Variants in CYB5R4 observed in about 807,000 individuals in gnomAD.
CYB5R4 encodes the protein cytochrome b5 reductase 4.
A neutral mutation model predicts 70.2 loss-of-function variants in CYB5R4; 55 were observed. The ratio of observed to expected loss-of-function variants is 0.78; its 90% CI spans 0.63 to 0.98. CYB5R4 has a LOEUF of 0.98. Ranked by LOEUF, CYB5R4 falls within the 50% of genes least tolerant of loss-of-function variation. The pLI is 0.00. For missense variants in CYB5R4, 562 were observed against 612.6 expected, an observed-to-expected ratio of 0.92 and a Z score of 0.87; for synonymous variants, 197 against 199.5, an observed-to-expected ratio of 0.99 and a Z score of 0.11.
rs898960596 is a variant in CYB5R4, at chr6:83,955,415, T to C, written c.1464T>C (p.Val488=). 4 of 1,613,860 alleles carry C rather than the reference T, an allele frequency of 2.5e-6. No individual in the cohort carries two copies. In the African/African-American group the frequency reaches 4.0e-5, roughly 16 times the overall value. Residue 488 remains valine, a synonymous_variant, in exon 15 of 16, where the codon GTT becomes GTC. Coordinates refer to ENST00000369681, the MANE Select transcript of CYB5R4 (RefSeq NM_016230.4). ...AAAGAAATTTGGACAAATCCAAAGT[T>C]CTCGTCTGCATTTGTGGACCAGTGC... The part of the protein sequence containing the change: ...FLKRNLDKSK[V]LVCICGPVPF...
intron 1 of CYB5R4, 107 bp from the exon 2 acceptor site, chr6:83,864,068 A>G: frequency 9.4e-7 from 1 of 1,064,398 alleles, no homozygotes; most frequent in South Asian, 1.8e-5. Flanking sequence ...CAGCCTCTTA[A>G]AACTGTAAAA....
rs2099473277 is a variant in CYB5R4, at chr6:83,961,144, C to T, written c.*1266C>T. ...AATTACAGACGCCCAGCTTGTGAAG[C>T]TTCCTATGTGCAAATGGCTGGTTGA... On this transcript the variant is annotated 3_prime_UTR_variant, in exon 16 of 16. Transcript: ENST00000369681. The T allele has an allele frequency of 6.6e-6, 1 of 152,184 alleles. No individual in the cohort carries two copies. The highest frequency in any genetic ancestry group is 1.5e-5 in the Non-Finnish European group (1 of 68,036). 9.4% of individuals were successfully genotyped at this position (152,184 alleles called of 1,614,324 possible).
At chr6:83,931,776 A>G (rs2129141701) in intron 10 of CYB5R4, among the ~76,000 whole-genome samples, 1 of 147,680 alleles carries the variant, frequency 6.8e-6, no homozygotes, top group East Asian at 2.0e-4. Context: ...TCTGCTTTAT[A>G]CTTCTTTTTT....
At chr6:83,884,560 A>C (rs560497098) in intron 2 of CYB5R4, among the ~76,000 whole-genome samples, 1 of 152,252 alleles carries the variant, frequency 6.6e-6, no homozygotes, top group African/African-American at 2.4e-5. Flanking sequence ...TAAAATCCTT[A>C]ACTACAGTTG....
chr6:83,873,797 A>G (rs2099458044), intron 2 of CYB5R4, among the ~76,000 whole-genome samples: 1 of 152,108 alleles, frequency 6.6e-6, no homozygotes. Flanking sequence ...GTGTTAATCC[A>G]GTCTGTTAGG....
At chr6:83,909,380 C>T (rs534480165) in intron 4 of CYB5R4, among the ~76,000 whole-genome samples, 1 of 152,240 alleles carries the variant, frequency 6.6e-6, no homozygotes, top group Non-Finnish European at 1.5e-5. Flanking sequence ...ATAATATAGT[C>T]ACATGATTCA....
chr6:83,923,466 T>G (rs1222796560), intron 9 of CYB5R4, among the ~76,000 whole-genome samples: 1 of 152,172 alleles, frequency 6.6e-6, no homozygotes, highest in Admixed American at 6.5e-5. Context: ...TCTTTAAAAG[T>G]TAAATTGTTA....
chr6:83,914,036 C>A (rs2099465099), intron 4 of CYB5R4, among the ~76,000 whole-genome samples: 1 of 152,046 alleles, frequency 6.6e-6, no homozygotes, highest in Non-Finnish European at 1.5e-5. Context: ...GTGTGTGTTT[C>A]ATTTATGAAG....
intron 10 of CYB5R4, among the ~76,000 whole-genome samples, chr6:83,930,611 C>T (rs372993875): frequency 6.6e-6 from 1 of 152,114 alleles, no homozygotes; most frequent in East Asian, 1.9e-4. Flanking sequence ...GCAGTTACTT[C>T]CTCCACTGAA....
chr6:83,937,283 AT>A (rs1290949470), intron 12 of CYB5R4, among the ~76,000 whole-genome samples: 2 of 152,142 alleles, frequency 1.3e-5, no homozygotes, highest in African/African-American at 2.4e-5. Flanking sequence ...TCAAAAAAAA[AT>A]AATAAAAAAT....
intron 3 of CYB5R4, among the ~76,000 whole-genome samples, chr6:83,895,037 C>T (rs2099461645): frequency 6.6e-6 from 1 of 152,262 alleles, no homozygotes; most frequent in South Asian, 2.1e-4. Flanking sequence ...AATGTTCTTC[C>T]TGGGTTGGAG....
At chr6:83,860,797 C>G (rs1370125519) in intron 1 of CYB5R4, among the ~76,000 whole-genome samples, 1 of 152,202 alleles carries the variant, frequency 6.6e-6, no homozygotes, top group Non-Finnish European at 1.5e-5. Context: ...TTTTCATTAG[C>G]TTTCCAGAGA....
intron 3 of CYB5R4, among the ~76,000 whole-genome samples, chr6:83,904,597 A>G (rs189899962): frequency 5.9e-5 from 9 of 152,312 alleles, no homozygotes; most frequent in African/African-American, 1.9e-4. Context: ...TTCTCCCTAG[A>G]TGATCCGTCT....
At chr6:83,900,194 A>T (rs1487776118) in intron 3 of CYB5R4, among the ~76,000 whole-genome samples, 1 of 152,166 alleles carries the variant, frequency 6.6e-6, no homozygotes, top group Non-Finnish European at 1.5e-5. Context: ...TTCAAAGAAC[A>T]TCTTTATTTC....
intron 2 of CYB5R4, among the ~76,000 whole-genome samples, chr6:83,865,080 T>C (rs2099456523): frequency 6.6e-6 from 1 of 152,202 alleles, no homozygotes; most frequent in Non-Finnish European, 1.5e-5. Context: ...AATTTTATCA[T>C]TGTATAATTT....
At chr6:83,866,527 C>G (rs2099456734) in intron 2 of CYB5R4, among the ~76,000 whole-genome samples, 1 of 151,940 alleles carries the variant, frequency 6.6e-6, no homozygotes, top group Admixed American at 6.6e-5. Context: ...GATACTTAAC[C>G]TCTACACTGC....
chr6:83,938,911 T>G (rs1220429925), intron 12 of CYB5R4, among the ~76,000 whole-genome samples: 1 of 152,078 alleles, frequency 6.6e-6, no homozygotes, highest in Non-Finnish European at 1.5e-5. Context: ...CTCGGCTCAC[T>G]GCAACCTCCG....
chr6:83,954,961 G>A (rs2099472111), intron 14 of CYB5R4, among the ~76,000 whole-genome samples: 1 of 151,094 alleles, frequency 6.6e-6, no homozygotes, highest in South Asian at 2.1e-4. Flanking sequence ...GCCCAGGCTG[G>A]TCTCAAACTC....
chr6:83,934,325 A>G (rs1210762234), intron 10 of CYB5R4, among the ~76,000 whole-genome samples: 3 of 152,104 alleles, frequency 2.0e-5, no homozygotes, highest in Admixed American at 1.3e-4. Context: ...ATGGTTTAAC[A>G]TGCTATAATA....
Sources: allele counts gnomAD v4.1 joint callset (sites outside exome capture counted in the v4.1 genomes callset), GRCh38; gene constraint gnomAD v4.1.1; transcripts MANE v1.5; gene names NCBI Gene and HGNC (gene_info 2026-07-23, HGNC 2026-07-21).